SH3PXD2A: variants seen among roughly 807,000 people sequenced by gnomAD.
SH3PXD2A encodes the protein SH3 and PX domain-containing protein 2A.
A neutral mutation model predicts 115.2 loss-of-function variants in SH3PXD2A; 32 were observed. The observed-to-expected ratio is 0.28, with a 90% CI of 0.21 to 0.37. The LOEUF is 0.37. Among genes scored for constraint, SH3PXD2A ranks in the 10% least tolerant of loss-of-function variants. SH3PXD2A has a pLI of 1.00. For synonymous variants in SH3PXD2A, 610 were observed against 629.1 expected, an observed-to-expected ratio of 0.97 and a Z score of 0.45; for missense variants, 1,328 against 1,498.7, an observed-to-expected ratio of 0.89 and a Z score of 1.88.
At chr10:103,645,148 C>T (rs2037017341) in intron 8 of SH3PXD2A, among the ~76,000 whole-genome samples, 1 of 152,184 alleles carries the variant, frequency 6.6e-6, no homozygotes, top group Admixed American at 6.5e-5. Context: ...TGGCCAGTCC[C>T]CCAGCTAGAC....
chr10:103,808,261 T>C (rs1334930612), intron 1 of SH3PXD2A, among the ~76,000 whole-genome samples: 1 of 150,888 alleles, frequency 6.6e-6, no homozygotes, highest in Non-Finnish European at 1.5e-5. Context: ...TTTTTTTCTT[T>C]TTTTTTTTGA....
intron 8 of SH3PXD2A, among the ~76,000 whole-genome samples, chr10:103,629,363 C>T (rs188841639): frequency 2.0e-4 from 31 of 152,354 alleles, no homozygotes; most frequent in Middle Eastern, 3.4e-3. Context: ...CATCATTTCC[C>T]TGGCCTCTGG....
At chr10:103,724,605 A>G (rs1049465733) in intron 4 of SH3PXD2A, among the ~76,000 whole-genome samples, 1 of 152,050 alleles carries the variant, frequency 6.6e-6, no homozygotes, top group African/African-American at 2.4e-5. Context: ...CTCTCAACTA[A>G]CTAGCCAGCC....
intron 1 of SH3PXD2A, among the ~76,000 whole-genome samples, chr10:103,829,268 T>C (rs1032961367): frequency 3.9e-5 from 6 of 152,212 alleles, no homozygotes; most frequent in Non-Finnish European, 5.9e-5. Flanking sequence ...TCTAGAATTC[T>C]GTGCTCCTAA....
intron 2 of SH3PXD2A, among the ~76,000 whole-genome samples, chr10:103,778,382 C>G (rs191363532): frequency 3.4e-4 from 52 of 152,278 alleles, no homozygotes; most frequent in Non-Finnish European, 5.4e-4. Flanking sequence ...TTAACACAGG[C>G]CAGGCACAGA....
chr10:103,810,837 A>AAC (rs60455630), intron 1 of SH3PXD2A, among the ~76,000 whole-genome samples: 82,966 of 150,074 alleles, frequency 0.55, 24,366 homozygotes, highest in South Asian at 0.69. Flanking sequence ...CAACACACAC[A>AAC]ACACACACAC....
chr10:103,655,933 C>T (rs1803143266), intron 8 of SH3PXD2A, among the ~76,000 whole-genome samples: 1 of 152,100 alleles, frequency 6.6e-6, no homozygotes, highest in South Asian at 2.1e-4. Flanking sequence ...TTCAAGTATT[C>T]AAGAATGGTG....
chr10:103,662,565 A>G (rs1248026454), intron 7 of SH3PXD2A, among the ~76,000 whole-genome samples: 2 of 147,240 alleles, frequency 1.4e-5, no homozygotes, highest in Non-Finnish European at 3.0e-5. Flanking sequence ...GCGCCCGGCT[A>G]ATTTTTTGTA....
chr10:103,644,100 G>A (rs2036996248), intron 8 of SH3PXD2A, among the ~76,000 whole-genome samples: 1 of 124,886 alleles, frequency 8.0e-6, no homozygotes, highest in Non-Finnish European at 1.6e-5. Context: ...GGGCGACAGA[G>A]CGAGGCTCCA....
intron 5 of SH3PXD2A, among the ~76,000 whole-genome samples, chr10:103,706,628 G>T (rs752574327): frequency 6.6e-6 from 1 of 152,144 alleles, no homozygotes; most frequent in Admixed American, 6.5e-5. Flanking sequence ...GGTTATAATC[G>T]TGTTTCCTGA....
At chr10:103,624,962 G>A (rs2036668712) in intron 9 of SH3PXD2A, among the ~76,000 whole-genome samples, 1 of 152,194 alleles carries the variant, frequency 6.6e-6, no homozygotes, top group Non-Finnish European at 1.5e-5. Flanking sequence ...GGCCCTGTCA[G>A]AGGCGTGCGC....
At chr10:103,801,120 C>G (rs999168654) in intron 2 of SH3PXD2A, among the ~76,000 whole-genome samples, 162 bp downstream of exon 2, 1 of 152,194 alleles carries the variant, frequency 6.6e-6, no homozygotes, top group Admixed American at 6.5e-5. Flanking sequence ...AAGATTGAGA[C>G]GAGCCCAGCT....
Position 103,603,270 on chromosome 10 carries a change from G to C in SH3PXD2A, c.1948C>G (p.Leu650Val). 1 of 1,614,060 alleles carries C rather than the reference G, an allele frequency of 6.2e-7. No individual in the cohort carries two copies. Residue 650 changes from leucine (L) to valine (V), a missense_variant, in exon 15 of 15, where the codon CTG becomes GTG. By Grantham distance (32) the Leu-to-Val change is conservative. Coordinates refer to ENST00000369774, the MANE Select transcript of SH3PXD2A (RefSeq NM_001394015.1). ...GDSDSPGSSS[L>V]SLTRKNSPKS... ...GGGGAGTTTTTCCTGGTCAGGGACA[G>C]CGAGGAGCTGCCTGGGGAGTCGCTG...
rs114677862 is a variant in SH3PXD2A, at chr10:103,674,271, T to C, written c.428-5619A>G. On this transcript the variant is annotated intron_variant, in intron 6 of 14. Transcript: ENST00000369774. The stretch of plus-strand genomic sequence containing the variant: ...ATTCAGTAGTAACAGTAATTGTCAT[T>C]GTTGCCATGAACAGGGCACTTCCTT... 2.8e-3 allele frequency among the ~76,000 whole-genome samples: 427 copies of C among 152,372 alleles called. 2 individuals are homozygous for C. The highest frequency in any genetic ancestry group is 1.0e-2 in the African/African-American group (415 of 41,596).
At chr10:103,675,335 T>C (rs2037519137) in intron 6 of SH3PXD2A, among the ~76,000 whole-genome samples, 1 of 152,192 alleles carries the variant, frequency 6.6e-6, no homozygotes, top group Non-Finnish European at 1.5e-5. Flanking sequence ...TAGCTAGCTA[T>C]GCCCAAGACC....
At chr10:103,846,416 C>T (rs980069795) in intron 1 of SH3PXD2A, among the ~76,000 whole-genome samples, 3 of 152,218 alleles carry the variant, frequency 2.0e-5, no homozygotes, top group Non-Finnish European at 2.9e-5. Flanking sequence ...CACTAAGAGC[C>T]TAAGTACTCC....
chr10:103,680,678 C>T (rs1293441239), intron 6 of SH3PXD2A, among the ~76,000 whole-genome samples: 1 of 152,190 alleles, frequency 6.6e-6, no homozygotes, highest in African/African-American at 2.4e-5. Flanking sequence ...AATACATTTT[C>T]AAGCTGGCTG....
At chr10:103,823,932 A>C (rs2039405009) in intron 1 of SH3PXD2A, among the ~76,000 whole-genome samples, 1 of 152,186 alleles carries the variant, frequency 6.6e-6, no homozygotes, top group Non-Finnish European at 1.5e-5. Context: ...CTGCAGAACA[A>C]TGAAAAGAGA....
At chr10:103,795,921 AGG>A (rs765389236) in intron 2 of SH3PXD2A, among the ~76,000 whole-genome samples, 1 of 112,136 alleles carries the variant, frequency 8.9e-6, no homozygotes, top group Non-Finnish European at 1.9e-5. Context: ...GAAGGAAGGA[AGG>A]AAGGAAGGCA....
Sources: gnomAD v4.1 joint callset for allele counts (sites outside exome capture counted in the v4.1 genomes callset) on GRCh38, gnomAD v4.1.1 for gene constraint, MANE v1.5 for transcripts, NCBI Gene and HGNC (gene_info 2026-07-23, HGNC 2026-07-21) for gene names.